The following ITGA8 variants were observed in gnomAD, a reference collection of about 807,000 sequenced individuals.
ITGA8 encodes integrin alpha-8.
A neutral mutation model predicts 142.3 loss-of-function variants in ITGA8; 91 were observed. The ratio of observed to expected loss-of-function variants is 0.64; its 90% CI spans 0.54 to 0.76. ITGA8 has a LOEUF of 0.76. Ranked by LOEUF, ITGA8 falls within the 30% of genes least tolerant of loss-of-function variation. ITGA8 has a pLI of 0.00. For missense variants in ITGA8, 1,406 were observed against 1,327.7 expected, an observed-to-expected ratio of 1.06 and a Z score of -0.92; for synonymous variants, 505 against 485.2, an observed-to-expected ratio of 1.04 and a Z score of -0.54.
At chr10:15,614,115 C>T (rs1367388196) in intron 14 of ITGA8, among the ~76,000 whole-genome samples, 1 of 152,202 alleles carries the variant, frequency 6.6e-6, no homozygotes, top group African/African-American at 2.4e-5. Context: ...AGCATATCTA[C>T]ATCTGTATCT....
At chr10:15,585,900 G>C (rs913264830) in intron 23 of ITGA8, among the ~76,000 whole-genome samples, 9 of 152,036 alleles carry the variant, frequency 5.9e-5, no homozygotes, top group African/African-American at 2.2e-4. Flanking sequence ...GATGTGGTGT[G>C]GTAAGGCTAA....
intron 2 of ITGA8, among the ~76,000 whole-genome samples, chr10:15,696,223 C>T (rs1588732323): frequency 6.6e-6 from 1 of 152,174 alleles, no homozygotes; most frequent in Non-Finnish European, 1.5e-5. Context: ...GTTACCTAAG[C>T]GAGCCTCTCA....
intron 13 of ITGA8, among the ~76,000 whole-genome samples, chr10:15,628,418 C>T (rs527334654): frequency 2.7e-5 from 4 of 146,208 alleles, no homozygotes; most frequent in South Asian, 2.2e-4. Context: ...CTGCAAGCTC[C>T]GCCTCCTGGG....
intron 11 of ITGA8, among the ~76,000 whole-genome samples, chr10:15,654,673 A>T (rs1262558098): frequency 3.9e-5 from 6 of 152,166 alleles, no homozygotes; most frequent in Non-Finnish European, 8.8e-5. Flanking sequence ...TGTCTTATTC[A>T]CCTGTGTATT....
intron 6 of ITGA8, among the ~76,000 whole-genome samples, chr10:15,677,141 A>G (rs1247998249): frequency 6.6e-6 from 1 of 152,250 alleles, no homozygotes; most frequent in Non-Finnish European, 1.5e-5. Context: ...GCAAGGATGA[A>G]TAGAGATTCA....
At chr10:15,525,573 C>T (rs952144933) in intron 28 of ITGA8, among the ~76,000 whole-genome samples, 41 of 126,290 alleles carry the variant, frequency 3.2e-4, no homozygotes, top group Admixed American at 1.1e-3. Flanking sequence ...ACCCGGGAGG[C>T]GGAGGTTGCA....
At position 15,606,277 on chromosome 10, in the gene ITGA8, G is replaced by A. The variant is rs1368887732; in HGVS notation, c.1902+8C>T. On this transcript the variant is annotated splice_region_variant and intron_variant, in intron 18 of 29. Coordinates refer to ENST00000378076, the MANE Select transcript of ITGA8 (RefSeq NM_003638.3). ...AGAAAATGCCGTCAAAGACTGTGAAGGACTTACCTGTTCACTAACAATGTT... is the reference window on the plus strand; with the variant it reads ...AGAAAATGCCGTCAAAGACTGTGAAAGACTTACCTGTTCACTAACAATGTT... The A allele has an allele frequency of 1.3e-6, 2 of 1,598,206 alleles. No homozygotes were observed. The highest frequency in any genetic ancestry group is 1.7e-5 in the Admixed American group (1 of 59,674).
At chr10:15,664,977 G>C (rs1210897797) in intron 8 of ITGA8, among the ~76,000 whole-genome samples, 1 of 152,174 alleles carries the variant, frequency 6.6e-6, no homozygotes, top group Non-Finnish European at 1.5e-5. Flanking sequence ...AATAAACATA[G>C]GTGTGCATGT....
At chr10:15,521,913 AG>A (rs1221777666) in intron 28 of ITGA8, among the ~76,000 whole-genome samples, 4 of 152,196 alleles carry the variant, frequency 2.6e-5, no homozygotes, top group African/African-American at 9.6e-5. Flanking sequence ...GATCTCATGG[AG>A]GTAGAGGGTA....
At chr10:15,609,263 C>G (rs768061930) in intron 15 of ITGA8, among the ~76,000 whole-genome samples, 1 of 152,150 alleles carries the variant, frequency 6.6e-6, no homozygotes, top group Non-Finnish European at 1.5e-5. Context: ...GGCCTTTTCA[C>G]ATTTCTAGGA....
intron 26 of ITGA8, among the ~76,000 whole-genome samples, chr10:15,555,429 A>G (rs1249904599): frequency 6.6e-6 from 1 of 152,218 alleles, no homozygotes; most frequent in Non-Finnish European, 1.5e-5. Flanking sequence ...ACACTGAGAA[A>G]AAAAACATGC....
At chr10:15,566,637 C>T (rs913643646) in intron 25 of ITGA8, among the ~76,000 whole-genome samples, 15 of 151,574 alleles carry the variant, frequency 9.9e-5, no homozygotes, top group Non-Finnish European at 1.6e-4. Context: ...ATGGTGAAAC[C>T]GCATCTCTAC....
chr10:15,589,113 G>A (rs1832880347), intron 22 of ITGA8, among the ~76,000 whole-genome samples: 1 of 152,158 alleles, frequency 6.6e-6, no homozygotes, highest in Admixed American at 6.5e-5. Flanking sequence ...AACTGTTGGT[G>A]CTGGTTCTAC....
intron 20 of ITGA8, among the ~76,000 whole-genome samples, chr10:15,598,223 T>A (rs1048318868): frequency 1.3e-5 from 2 of 152,222 alleles, no homozygotes; most frequent in Admixed American, 6.5e-5. Flanking sequence ...ATATGAGGAC[T>A]TTCATAAAAC....
At chr10:15,709,172 A>C (rs1835317383) in intron 2 of ITGA8, among the ~76,000 whole-genome samples, 1 of 152,206 alleles carries the variant, frequency 6.6e-6, no homozygotes, top group Non-Finnish European at 1.5e-5. Flanking sequence ...CCATTTACCA[A>C]CTCAGTTGAC....
chr10:15,531,171 T>A lies in ITGA8; in HGVS notation c.2881-20A>T. The A allele has an allele frequency of 8.0e-7, 1 of 1,242,480 alleles. No individual in the cohort carries two copies. The highest frequency in any genetic ancestry group is 1.1e-6 in the Non-Finnish European group (1 of 908,946). 77.0% of individuals were successfully genotyped at this position (1,242,480 alleles called of 1,614,324 possible). A position where few individuals can be genotyped will look rare whatever the true frequency, so the allele number is the denominator to read the frequency against. ...TTTTCTCTGAAAGTAAAAGTATTTA[T>A]TTAAATATATTTCATATAAAGTTTT... On this transcript the variant is annotated intron_variant, in intron 27 of 29. Coordinates refer to ENST00000378076, the MANE Select transcript of ITGA8 (RefSeq NM_003638.3).
At chr10:15,686,618 A>T (rs369960065) in intron 3 of ITGA8, among the ~76,000 whole-genome samples, 198 of 152,360 alleles carry the variant, frequency 1.3e-3, no homozygotes, top group Admixed American at 2.1e-3. Flanking sequence ...GTACCTGGAT[A>T]TACAAAAATG....
At chr10:15,658,779 T>C (rs1006585113) in intron 10 of ITGA8, among the ~76,000 whole-genome samples, 9 of 152,228 alleles carry the variant, frequency 5.9e-5, no homozygotes, top group Non-Finnish European at 1.3e-4. Context: ...GTTAATAAAC[T>C]GTCCCTTCCT....
intron 28 of ITGA8, among the ~76,000 whole-genome samples, chr10:15,529,037 C>T (rs1301800963): frequency 1.3e-5 from 2 of 149,694 alleles, no homozygotes; most frequent in Admixed American, 6.7e-5. Context: ...CCCTCCCTTC[C>T]TTTCTCCTTC....
Sources: allele counts gnomAD v4.1 joint callset (sites outside exome capture counted in the v4.1 genomes callset), GRCh38; gene constraint gnomAD v4.1.1; transcripts MANE v1.5; gene names NCBI Gene and HGNC (gene_info 2026-07-23, HGNC 2026-07-21).